Variants in NOP2 observed in about 807,000 individuals in gnomAD.
NOP2 encodes NOP2 nucleolar protein, also known as 28S rRNA (cytosine(4447)-C(5))-methyltransferase.
A neutral mutation model predicts 72.7 loss-of-function variants in NOP2; 7 were observed. That is an observed-to-expected ratio of 0.10 (90% CI 0.05 to 0.18). The LOEUF (loss-of-function observed/expected upper bound fraction) is 0.18, where lower values mean the gene tolerates loss of function less well. NOP2 is among the 10% of genes least tolerant of loss of function. The pLI, the probability that NOP2 is intolerant of heterozygous loss-of-function variation, is 1.00. For synonymous variants in NOP2, 387 were observed against 388.0 expected, an observed-to-expected ratio of 1.00 and a Z score of 0.03; for missense variants, 954 against 1,014.7, an observed-to-expected ratio of 0.94 and a Z score of 0.81.
rs1355601479 is a variant in NOP2 at position 6,561,940 on chromosome 12, G to T, written c.1010C>A (p.Pro337His). 30 of 1,612,338 alleles carry T rather than the reference G, an allele frequency of 1.9e-5. No individual in the cohort carries two copies. Among genetic ancestry groups the T allele is most frequent in the Non-Finnish European group, 2.5e-5 (29 of 1,179,268 alleles). Residue 337 changes from proline (P) to histidine (H), a missense_variant, in exon 10 of 16, where the codon CCC becomes CAC. This residue lies in a region of NOP2 where 498 missense variants were observed against 478.3 expected (regional missense o/e 1.04). Transcript: ENST00000322166. Reference sequence around the variant, plus strand: ...TCCAGTCTTTGACCACTTGCCCAGGGGATCCAGGTTAACCCCACGATTGAT... The same window carrying T: ...TCCAGTCTTTGACCACTTGCCCAGGTGATCCAGGTTAACCCCACGATTGAT... ...ALINRGVNLD[P>H]LGKWSKTGLV...
intron 2 of NOP2, 117 bp downstream of exon 2, chr12:6,567,699 C>T (rs1947817586): frequency 2.6e-6 from 2 of 773,526 alleles, no homozygotes; most frequent in Middle Eastern, 2.4e-4. Flanking sequence ...CTCCTAGTAA[C>T]TCATACAGAG....
rs757769303 is a variant in NOP2 at position 6,560,611 on chromosome 12, G to A, written c.1438-42C>T. ...CCCAAAGGCAGCCTCAGGAGGAGAG[G>A]GGAGCCCAGAGGGTGTCCCCATCTC... On this transcript the variant is annotated intron_variant, in intron 13 of 15. Transcript: ENST00000322166. This position sits in a 1 kb window ranked among gnomAD's most constrained non-coding sequence, Gnocchi z 5.0. The A allele has an allele frequency of 1.0e-5, 16 of 1,604,094 alleles. No individual in the cohort carries two copies. In the South Asian group the frequency reaches 1.2e-4, roughly 12 times the overall value.
chr12:6,557,859 T>C (rs969622365), intron 15 of NOP2, among the ~76,000 whole-genome samples: 3 of 152,130 alleles, frequency 2.0e-5, no homozygotes, highest in Non-Finnish European at 1.5e-5. Flanking sequence ...TCACTGCCTA[T>C]AGGCCAGGCG....
In NOP2 at chr12:6,561,008, T is replaced by C; in HGVS notation, c.1270A>G (p.Ser424Gly). ...ANDANAERLK[S>G]VVGNLHRLGV... ...AGCCGATGCAAGTTGCCCACAACAC[T>C]CTTGAGCCGCTCAGCATTGGCGTCA... Residue 424 changes from serine to glycine, a missense_variant, in exon 12 of 16, where the codon AGT becomes GGT. Transcript: ENST00000322166. 6.2e-7 allele frequency: 1 copy of C among 1,613,910 alleles called. No homozygotes were observed. Among genetic ancestry groups the C allele is most frequent in the Non-Finnish European group, 8.5e-7 (1 of 1,179,888 alleles).
chr12:6,559,740 C>T (rs911865093), intron 15 of NOP2, among the ~76,000 whole-genome samples: 2 of 152,198 alleles, frequency 1.3e-5, no homozygotes, highest in African/African-American at 4.8e-5. Flanking sequence ...TCTGTTCCAA[C>T]CCAGTGCTGA....
intron 8 of NOP2, 45 bp from the exon 9 acceptor site, chr12:6,563,215 C>T (rs781770838): frequency 1.3e-6 from 2 of 1,556,960 alleles, no homozygotes; most frequent in East Asian, 4.8e-5. Flanking sequence ...GGCTAAGGAG[C>T]TCAGTCAGAA....
chr12:6,568,009 G>C (rs1383730086), intron 1 of NOP2, 87 bp from the exon 2 acceptor site: 4 of 1,021,830 alleles, frequency 3.9e-6, no homozygotes, highest in Non-Finnish European at 6.0e-6. Context: ...TAGTGGGAAA[G>C]GGCACAGCCT....
rs1487523450 is a variant in NOP2, at chr12:6,567,851, C to A, written c.68G>T (p.Gly23Val). The A allele has an allele frequency of 5.0e-6, 8 of 1,614,058 alleles. No homozygotes were observed. The Admixed American group carries it at 5.0e-5, about 10-fold the overall frequency. The change falls in exon 2 of 16, where the codon GGT becomes GTT. Residue 23 changes from glycine (G) to valine (V), a missense_variant. Physicochemically the swap from Gly to Val is moderately radical, Grantham distance 109. Transcript: ENST00000322166. ...GAATCTGACGAGTTCTGTCTCGGCA[C>A]CCTTCTGCTTCCGGGCCTTTCGGCC... ...GPGRKARKQK[G>V]AETELVRFLP...
In NOP2 at chr12:6,563,418, G is replaced by A; in HGVS notation, c.785C>T (p.Ser262Phe). Reference sequence around the variant, plus strand: ...GAGCCGGTTCAGGTATTCAGAACGAGACCGCCCTTCCTCCCGCTGAGCCCC... The same window carrying A: ...GAGCCGGTTCAGGTATTCAGAACGAAACCGCCCTTCCTCCCGCTGAGCCCC... ...DFGAQREEGR[S>F]RSEYLNRLKK... is the part of the protein sequence containing the mutation. The change falls in exon 8 of 16, where the codon TCT becomes TTT. Residue 262 changes from serine (S) to phenylalanine (F), a missense_variant. Transcript: ENST00000322166. 1.2e-6 allele frequency: 2 copies of A among 1,608,570 alleles called. No homozygotes were observed. Among genetic ancestry groups the A allele is most frequent in the Non-Finnish European group, 1.7e-6 (2 of 1,177,470 alleles).
At position 6,560,843 on chromosome 12, in the gene NOP2, T is replaced by G; in HGVS notation, c.1348-56A>C. ...CTCTTCTGCAACCAGCAGGGCAATA[T>G]TTACTAGGGTCGAGTCTAAACATTG... On this transcript the variant is annotated intron_variant, in intron 12 of 15. Transcript: ENST00000322166. The surrounding 1 kb of genome is among the most constrained non-coding windows in gnomAD (Gnocchi z 5.0). 6.2e-7 allele frequency: 1 copy of G among 1,608,558 alleles called. No homozygotes were observed. The highest frequency in any genetic ancestry group is 8.5e-7 in the Non-Finnish European group (1 of 1,177,278).
chr12:6,562,136 A>C (rs1441398763), intron 9 of NOP2, among the ~76,000 whole-genome samples, 165 bp from the exon 10 acceptor site: 1 of 151,902 alleles, frequency 6.6e-6, no homozygotes, highest in Non-Finnish European at 1.5e-5. Flanking sequence ...GACAACGGGC[A>C]TGTACCACCA....
intron 15 of NOP2, among the ~76,000 whole-genome samples, chr12:6,558,994 G>A (rs1041949177): frequency 6.6e-6 from 1 of 151,950 alleles, no homozygotes; most frequent in Non-Finnish European, 1.5e-5. Context: ...AGTTTTGCTC[G>A]TTGCCCAGGC....
chr12:6,557,442 C>A lies in NOP2; in HGVS notation c.1990G>T (p.Val664Leu). 1 of 1,613,992 alleles carries A rather than the reference C, an allele frequency of 6.2e-7. No individual in the cohort carries two copies. Among genetic ancestry groups the A allele is most frequent in the Non-Finnish European group, 8.5e-7 (1 of 1,179,878 alleles). ...SKGADSELST[V>L]PSVTKTQASS... ...GCTTGGGTCTTTGTGACAGAAGGTA[C>A]AGTGGACAATTCTGAGTCTGCCCCT... The change falls in exon 16 of 16, where the codon GTA becomes TTA. Residue 664 changes from valine (V) to leucine (L), a missense_variant. Val to Leu is a conservative substitution (Grantham distance 32, BLOSUM62 1). This residue lies in a region of NOP2 where 269 missense variants were observed against 260.2 expected (regional missense o/e 1.03). Transcript: ENST00000322166.
Position 6,557,361 on chromosome 12 carries a change from C to T in NOP2, c.2071G>A (p.Glu691Lys). 6.2e-7 allele frequency: 1 copy of T among 1,614,034 alleles called. No homozygotes were observed. Among genetic ancestry groups the T allele is most frequent in the Non-Finnish European group, 8.5e-7 (1 of 1,179,890 alleles). ...QPAGKAEGIR[E>K]PKVTGKLKQR... is the part of the protein sequence containing the mutation. ...TTTAGCTTCCCAGTCACCTTTGGCTCCCTGATCCCTTCGGCTTTTCCAGCT... is the reference window on the plus strand; with the variant it reads ...TTTAGCTTCCCAGTCACCTTTGGCTTCCTGATCCCTTCGGCTTTTCCAGCT... The change falls in exon 16 of 16, where the codon GAG becomes AAG. Residue 691 changes from glutamate (E) to lysine (K), a missense_variant. This residue lies in a region of NOP2 where 269 missense variants were observed against 260.2 expected (regional missense o/e 1.03). Coordinates refer to ENST00000322166, the MANE Select transcript of NOP2 (RefSeq NM_001258308.2).
rs1230835876 is a variant in NOP2 at position 6,560,996 on chromosome 12, T to C, written c.1282A>G (p.Asn428Asp). The change falls in exon 12 of 16, where the codon AAC becomes GAC. Residue 428 changes from asparagine to aspartate, a missense_variant. By Grantham distance (23) the Asn-to-Asp change is conservative. Around this residue, in one of 3 missense-constraint regions of NOP2, gnomAD observed 187 missense variants for 276.2 expected, o/e 0.68. Transcript: ENST00000322166. The surrounding 1 kb of genome is among the most constrained non-coding windows in gnomAD (Gnocchi z 5.0). ...NAERLKSVVG[N>D]LHRLGVTNTI... ...TTGGTGACTCCCAGCCGATGCAAGT[T>C]GCCCACAACACTCTTGAGCCGCTCA... 3 of 1,613,852 alleles carry C rather than the reference T, an allele frequency of 1.9e-6. No homozygotes were observed. The highest frequency in any genetic ancestry group is 2.5e-6 in the Non-Finnish European group (3 of 1,179,898).
chr12:6,563,321 C>G lies in NOP2; in HGVS notation c.882G>C (p.Leu294=). ...CATTCTGGCAATCCAGTACCTCAGA[C>G]AGAGGGAAGAGGTCCATGAGCTTGC... ...LLGKLMDLFP[L]SELVEFLEAN... The change falls in exon 8 of 16, where the codon CTG becomes CTC. Residue 294 remains leucine (L), a synonymous_variant. Transcript: ENST00000322166. 2 of 1,591,820 alleles carry G rather than the reference C, an allele frequency of 1.3e-6. No individual in the cohort carries two copies. Among genetic ancestry groups the G allele is most frequent in the Non-Finnish European group, 1.7e-6 (2 of 1,169,210 alleles).
intron 5 of NOP2, chr12:6,564,453 A>C (rs570885658): frequency 7.4e-5 from 12 of 161,180 alleles, no homozygotes; most frequent in African/African-American, 2.9e-4. Context: ...TTTTGAGAGA[A>C]GTCTCGCTCT....
intron 6 of NOP2, 42 bp from the exon 7 acceptor site, chr12:6,563,813 C>G (rs747038216): frequency 3.7e-6 from 6 of 1,612,734 alleles, no homozygotes; most frequent in Non-Finnish European, 5.1e-6. Context: ...CAGACCAAAA[C>G]AGATACCTCC....
Position 6,561,196 on chromosome 12 carries a change from C to T in NOP2, c.1208-126G>A, listed in dbSNP as rs530293494. 15 of 1,147,042 alleles carry T rather than the reference C, an allele frequency of 1.3e-5. No individual in the cohort carries two copies. The South Asian group carries it at 2.0e-4, about 15-fold the overall frequency. 71.1% of individuals were successfully genotyped at this position (1,147,042 alleles called of 1,614,324 possible). A position where few individuals can be genotyped will look rare whatever the true frequency, so the allele number is the denominator to read the frequency against. Reference sequence around the variant, plus strand: ...TCAAGGCAACTTCGCTCCCAACAAGCCTGCCTACTGTATAGGCTGATCCAC... The same window carrying T: ...TCAAGGCAACTTCGCTCCCAACAAGTCTGCCTACTGTATAGGCTGATCCAC... On this transcript the variant is annotated intron_variant, in intron 11 of 15. Coordinates refer to ENST00000322166, the MANE Select transcript of NOP2 (RefSeq NM_001258308.2).
Sources: gnomAD v4.1 joint callset for allele counts (sites outside exome capture counted in the v4.1 genomes callset) on GRCh38, gnomAD v4.1.1 for gene constraint, gnomAD v4.1.1 regional missense constraint, Gnocchi (gnomAD v3.1) non-coding constraint, MANE v1.5 for transcripts, NCBI Gene and HGNC (gene_info 2026-07-23, HGNC 2026-07-21) for gene names.